The following MFSD8 variants were observed in gnomAD, a reference collection of about 807,000 sequenced individuals.
The protein encoded by MFSD8 is major facilitator superfamily domain containing 8.
A neutral mutation model predicts 66.4 loss-of-function variants in MFSD8; 55 were observed. That is an observed-to-expected ratio of 0.83 (90% CI 0.67 to 1.04). MFSD8 has a LOEUF of 1.04. Among genes scored for constraint, MFSD8 ranks in the 50% least tolerant of loss-of-function variants. The probability of loss-of-function intolerance (pLI) is 0.00; values close to 1 mark genes in which losing one functional copy is unlikely to be tolerated. For missense variants in MFSD8, 550 were observed against 627.6 expected (o/e 0.88, Z 1.32); for synonymous variants, 202 against 212.8 (o/e 0.95, Z 0.44).
intron 6 of MFSD8, chr4:127,939,324 C>A (rs1213471347): frequency 6.4e-6 from 1 of 156,042 alleles, no homozygotes; most frequent in Non-Finnish European, 1.4e-5. Context: ...TAAATCAAGA[C>A]CAAACCTTGA....
At position 127,943,797 on chromosome 4, in the gene MFSD8, T is replaced by A; in HGVS notation, c.394A>T (p.Lys132Ter). The change falls in exon 4 of 12, where the codon AAA becomes TAA. Residue 132 changes from lysine (K) to a stop codon, truncating the protein, a stop_gained. Transcript: ENST00000641686. LOFTEE classifies it high-confidence loss of function. ...CCACGAGCAACCAGCATGTAGTATTTATTATGAGAAGCTGGGATGTGGAGA... is the reference window on the plus strand; with the variant it reads ...CCACGAGCAACCAGCATGTAGTATTAATTATGAGAAGCTGGGATGTGGAGA... The part of the protein sequence containing the change: ...AYLHIPASHN[K>*]YYMLVARGLL... The A allele has an allele frequency of 6.2e-7, 1 of 1,614,150 alleles. No homozygotes were observed. Among genetic ancestry groups the A allele is most frequent in the Non-Finnish European group, 8.5e-7 (1 of 1,180,034 alleles).
At chr4:127,921,261 A>G in intron 11 of MFSD8, 1 of 618,346 alleles carries the variant, frequency 1.6e-6, no homozygotes, top group Non-Finnish European at 2.8e-6. Context: ...AGAGGTTTGA[A>G]GCCATATTTG....
chr4:127,959,281 G>A (rs1332974758), intron 1 of MFSD8, among the ~76,000 whole-genome samples: 1 of 152,156 alleles, frequency 6.6e-6, no homozygotes, highest in Non-Finnish European at 1.5e-5. Context: ...GATTTTAATG[G>A]TGACAAGAAA....
At chr4:127,944,111 G>T in intron 3 of MFSD8, 119 bp from the exon 4 acceptor site, 1 of 1,346,622 alleles carries the variant, frequency 7.4e-7, no homozygotes. Flanking sequence ...TAACGTATAA[G>T]TTTTATAACA....
intron 1 of MFSD8, chr4:127,964,678 G>C: frequency 3.5e-6 from 1 of 281,930 alleles, no homozygotes. Flanking sequence ...CCCAGAAAGG[G>C]GCTCCCACAG....
rs2148839459 is a variant in MFSD8 at position 127,921,551 on chromosome 4, ATATAGAG to A, written c.1316_1322del (p.Thr439IlefsTer5). The A allele has an allele frequency of 6.2e-7, 1 of 1,614,198 alleles. No individual in the cohort carries two copies. On this transcript the variant is annotated frameshift_variant, in exon 11 of 12. Transcript: ENST00000641686. LOFTEE classifies it high-confidence loss of function. The stretch of plus-strand genomic sequence containing the variant: ...GAGGTTTTGGTCCTAGAATTTTTGA[ATATAGAG>A]TATAGGACATAAGATTGCAGACTGG...
chr4:127,948,800 G>A (rs1385303310), intron 3 of MFSD8, among the ~76,000 whole-genome samples: 1 of 152,184 alleles, frequency 6.6e-6, no homozygotes, highest in Non-Finnish European at 1.5e-5. Context: ...GCCCTACACT[G>A]TCTTGGGACT....
chr4:127,958,876 T>C (rs1743299766), intron 1 of MFSD8, among the ~76,000 whole-genome samples: 1 of 152,136 alleles, frequency 6.6e-6, no homozygotes, highest in African/African-American at 2.4e-5. Context: ...AGGATAAAAT[T>C]AGAAAATAAT....
chr4:127,962,855 A>G (rs1173946170), intron 1 of MFSD8, among the ~76,000 whole-genome samples: 1 of 152,218 alleles, frequency 6.6e-6, no homozygotes, highest in East Asian at 1.9e-4. Context: ...TGTTTAGTAA[A>G]TCGAGGACCA....
chr4:127,962,055 C>T (rs1164662401), intron 1 of MFSD8, among the ~76,000 whole-genome samples: 1 of 152,084 alleles, frequency 6.6e-6, no homozygotes, highest in Non-Finnish European at 1.5e-5. Flanking sequence ...ACAGCAACAA[C>T]AATAAAACAA....
At chr4:127,927,177 T>A (rs981164794) in intron 9 of MFSD8, among the ~76,000 whole-genome samples, 10 of 142,792 alleles carry the variant, frequency 7.0e-5, no homozygotes, top group African/African-American at 2.7e-4. Flanking sequence ...ATTAAATGTT[T>A]TTTTTTTTTT....
At chr4:127,934,946 T>A (rs988557562) in intron 7 of MFSD8, among the ~76,000 whole-genome samples, 1 of 6,324 alleles carries the variant, frequency 1.6e-4, no homozygotes, top group Admixed American at 2.3e-3. Flanking sequence ...TGTTAGTGGG[T>A]GGGTGGGGGG....
At chr4:127,933,151 TTAAAG>T (rs1182772517) in intron 7 of MFSD8, 58 bp from the exon 8 acceptor site, 5 of 1,389,060 alleles carry the variant, frequency 3.6e-6, no homozygotes, top group African/African-American at 1.4e-5. Context: ...TCTTATGACA[TTAAAG>T]TAATGTAGAA....
chr4:127,947,345 C>T (rs1353928003), intron 3 of MFSD8, among the ~76,000 whole-genome samples: 1 of 151,700 alleles, frequency 6.6e-6, no homozygotes, highest in Admixed American at 6.6e-5. Context: ...CTTTGGGAGG[C>T]CGAGGTGGGT....
chr4:127,940,525 T>TATAC (rs1553949809), intron 5 of MFSD8, among the ~76,000 whole-genome samples: 6 of 146,180 alleles, frequency 4.1e-5, no homozygotes, highest in Non-Finnish European at 7.5e-5. Context: ...GGTATATATA[T>TATAC]ATATATATAT....
rs1490094022 is a variant in MFSD8 at position 127,929,317 on chromosome 4, C to T, written c.998+1366G>A. ...CAGCCTGGGCAACAGAGCGAGACTC[C>T]GTCACAAAAAAAAAAAAAAAAAAAA... On this transcript the variant is annotated intron_variant, in intron 9 of 11. Coordinates refer to ENST00000641686, the MANE Select transcript of MFSD8 (RefSeq NM_001371596.2). Among the ~76,000 whole-genome samples, 48 of 57,674 alleles carry T rather than the reference C, an allele frequency of 8.3e-4. 1 individual carries two copies. Among genetic ancestry groups the T allele is most frequent in the African/African-American group, 4.7e-3 (42 of 8,976 alleles). 37.8% of individuals were successfully genotyped at this position (57,674 alleles called of 152,430 possible). A position where few individuals can be genotyped will look rare whatever the true frequency, so the allele number is the denominator to read the frequency against.
At chr4:127,965,291 C>A, upstream of MFSD8, 1 of 877,872 alleles carries the variant, frequency 1.1e-6, no homozygotes, top group South Asian at 1.5e-5. Context: ...GGCGGGGTCA[C>A]GCGGAAGGCC....
intron 3 of MFSD8, among the ~76,000 whole-genome samples, chr4:127,944,889 G>A (rs573558051): frequency 3.9e-5 from 6 of 152,164 alleles, no homozygotes; most frequent in Admixed American, 2.0e-4. Flanking sequence ...TGAACTTCCC[G>A]CCTCCAACTC....
At chr4:127,940,666 T>C (rs1740036317) in intron 5 of MFSD8, among the ~76,000 whole-genome samples, 2 of 151,510 alleles carry the variant, frequency 1.3e-5, no homozygotes, top group Non-Finnish European at 2.9e-5. Context: ...TTTTTAGTGA[T>C]TTTAAACATT....
Sources: allele counts gnomAD v4.1 joint callset (sites outside exome capture counted in the v4.1 genomes callset), GRCh38; gene constraint gnomAD v4.1.1; transcripts MANE v1.5; gene names NCBI Gene and HGNC (gene_info 2026-07-23, HGNC 2026-07-21).